TGFA: variants seen among roughly 807,000 people sequenced by gnomAD.
TGFA encodes the protein protransforming growth factor alpha.
In TGFA, 12 loss-of-function variants were observed where a neutral mutation model predicts 21.7. The ratio of observed to expected loss-of-function variants is 0.55; its 90% CI spans 0.35 to 0.90. The LOEUF (loss-of-function observed/expected upper bound fraction) is 0.90. Ranked by LOEUF, TGFA falls within the 40% of genes least tolerant of loss-of-function variation. TGFA has a pLI of 0.01. For missense variants in TGFA, 178 were observed against 210.8 expected (o/e 0.84, Z 0.96); for synonymous variants, 79 against 88.1 (o/e 0.90, Z 0.58).
At chr2:70,489,295 T>A (rs1458493662) in intron 2 of TGFA, among the ~76,000 whole-genome samples, 1 of 152,252 alleles carries the variant, frequency 6.6e-6, no homozygotes, top group Non-Finnish European at 1.5e-5. Flanking sequence ...TCGCTCAACC[T>A]GGAGTTTCAC....
intron 5 of TGFA, among the ~76,000 whole-genome samples, chr2:70,452,337 C>T (rs1553489767): frequency 1.3e-5 from 2 of 152,198 alleles, no homozygotes. Context: ...TCCACAAGCA[C>T]AGAGCCACTG....
chr2:70,512,936 A>C (rs782387423), intron 2 of TGFA, among the ~76,000 whole-genome samples: 8 of 152,222 alleles, frequency 5.3e-5, no homozygotes, highest in South Asian at 2.1e-4. Context: ...CAGGAGGAGC[A>C]GGAGGAAGGC....
chr2:70,508,046 A>G (rs1038699076), intron 2 of TGFA, among the ~76,000 whole-genome samples: 2 of 152,240 alleles, frequency 1.3e-5, no homozygotes, highest in Non-Finnish European at 2.9e-5. Flanking sequence ...ATGTAAATTA[A>G]TGAAATACCT....
intron 5 of TGFA, among the ~76,000 whole-genome samples, chr2:70,451,203 T>C (rs1019880016): frequency 9.2e-5 from 14 of 152,164 alleles, no homozygotes; most frequent in African/African-American, 2.9e-4. Flanking sequence ...AAGGGGTGGC[T>C]TGGTGGGCAG....
At chr2:70,531,595 C>T (rs1237040552) in intron 1 of TGFA, among the ~76,000 whole-genome samples, 3 of 152,214 alleles carry the variant, frequency 2.0e-5, no homozygotes, top group Admixed American at 6.5e-5. Flanking sequence ...ACAGAACCCA[C>T]AGCAGACATT....
At chr2:70,543,732 G>A (rs1177337993) in intron 1 of TGFA, among the ~76,000 whole-genome samples, 1 of 152,136 alleles carries the variant, frequency 6.6e-6, no homozygotes, top group Non-Finnish European at 1.5e-5. Context: ...GACCAGGCCA[G>A]AAGCTTCTTA....
intron 1 of TGFA, among the ~76,000 whole-genome samples, chr2:70,551,494 G>A (rs376865968): frequency 5.3e-4 from 81 of 152,238 alleles, no homozygotes; most frequent in African/African-American, 1.9e-3. Flanking sequence ...CCTAGATCTC[G>A]GGTAGCGATG....
intron 2 of TGFA, among the ~76,000 whole-genome samples, chr2:70,514,037 T>C (rs1373557391): frequency 6.6e-6 from 1 of 152,206 alleles, no homozygotes; most frequent in Non-Finnish European, 1.5e-5. Context: ...AAAAAGCTTC[T>C]AGGCATGAAG....
At chr2:70,537,806 G>T (rs567687737) in intron 1 of TGFA, among the ~76,000 whole-genome samples, 1 of 152,354 alleles carries the variant, frequency 6.6e-6, no homozygotes, top group African/African-American at 2.4e-5. Context: ...AGGAGCTGCA[G>T]CAAGTTATCC....
At chr2:70,529,838 CT>C (rs1293746835) in intron 1 of TGFA, among the ~76,000 whole-genome samples, 2 of 152,144 alleles carry the variant, frequency 1.3e-5, no homozygotes, top group Non-Finnish European at 2.9e-5. Context: ...CAAGTGGGAA[CT>C]GGAAGAATGG....
intron 2 of TGFA, among the ~76,000 whole-genome samples, chr2:70,511,315 C>T: frequency 6.6e-6 from 1 of 152,210 alleles, no homozygotes; most frequent in East Asian, 1.9e-4. Context: ...GATGGTTTCA[C>T]ACCATTTACA....
chr2:70,511,267 T>G (rs1240646533), intron 2 of TGFA, among the ~76,000 whole-genome samples: 7 of 152,210 alleles, frequency 4.6e-5, no homozygotes, highest in African/African-American at 1.7e-4. Flanking sequence ...TTATAGCTTT[T>G]GTTCTAAAAT....
At chr2:70,522,092 GTC>G (rs1672491748) in intron 1 of TGFA, among the ~76,000 whole-genome samples, 1 of 152,170 alleles carries the variant, frequency 6.6e-6, no homozygotes, top group Non-Finnish European at 1.5e-5. Context: ...CATCTTACCT[GTC>G]TCTCCTCTCT....
At chr2:70,454,747 C>G (rs1313992851) in intron 4 of TGFA, among the ~76,000 whole-genome samples, 1 of 152,174 alleles carries the variant, frequency 6.6e-6, no homozygotes, top group African/African-American at 2.4e-5. Flanking sequence ...TGAACTTGGT[C>G]TCTGGCAGGG....
chr2:70,490,572 A>G (rs143845815), intron 2 of TGFA, among the ~76,000 whole-genome samples: 1,587 of 152,358 alleles, frequency 0.01, 17 homozygotes, highest in Non-Finnish European at 0.016. Context: ...GCAGTTGGAC[A>G]TCAATCTTTC....
intron 1 of TGFA, among the ~76,000 whole-genome samples, chr2:70,524,598 C>G (rs1553502741): frequency 6.6e-6 from 1 of 152,230 alleles, no homozygotes; most frequent in African/African-American, 2.4e-5. Flanking sequence ...CCGTGCCAAG[C>G]TGAGGCACTC....
At chr2:70,487,790 A>C (rs1175270849) in intron 2 of TGFA, among the ~76,000 whole-genome samples, 3 of 152,216 alleles carry the variant, frequency 2.0e-5, no homozygotes, top group African/African-American at 7.2e-5. Flanking sequence ...TATGAAACCG[A>C]ATATCCTTCT....
At chr2:70,457,541 A>G (rs1574068187) in intron 3 of TGFA, among the ~76,000 whole-genome samples, 1 of 138,206 alleles carries the variant, frequency 7.2e-6, no homozygotes, top group South Asian at 2.2e-4. Flanking sequence ...GCCAGGCGGG[A>G]CTTCTTTTTT....
intron 2 of TGFA, among the ~76,000 whole-genome samples, chr2:70,505,647 A>G (rs1368797144): frequency 9.9e-5 from 15 of 152,124 alleles, no homozygotes; most frequent in African/African-American, 3.6e-4. Flanking sequence ...TAAAAGAGGG[A>G]TTCCTCCTGA....
Sources: gnomAD v4.1 joint callset for allele counts (sites outside exome capture counted in the v4.1 genomes callset) on GRCh38, gnomAD v4.1.1 for gene constraint, MANE v1.5 for transcripts, NCBI Gene and HGNC (gene_info 2026-07-23, HGNC 2026-07-21) for gene names.